PSD3: variants seen among roughly 807,000 people sequenced by gnomAD.
PSD3 encodes the protein pleckstrin and Sec7 domain containing 3, also known as PH and SEC7 domain-containing protein 3.
Under a neutral mutation model 105.5 loss-of-function variants are expected in PSD3, and 49 were observed. The observed-to-expected ratio is 0.46, with a 90% CI of 0.37 to 0.59. PSD3 has a LOEUF of 0.59. Ranked by LOEUF, PSD3 falls within the 20% of genes least tolerant of loss-of-function variation. The pLI is 0.00. For synonymous variants in PSD3, 557 were observed against 457.8 expected (o/e 1.22, Z -2.77); for missense variants, 1,561 against 1,263.8 (o/e 1.24, Z -3.57).
intron 9 of PSD3, among the ~76,000 whole-genome samples, chr8:18,728,667 C>T (rs1803506714): frequency 6.6e-6 from 1 of 152,162 alleles, no homozygotes; most frequent in African/African-American, 2.4e-5. Context: ...AAGCAGTCAC[C>T]TTGAGTTACG....
At chr8:18,559,776 G>C (rs1182399848) in intron 14 of PSD3, among the ~76,000 whole-genome samples, 1 of 151,974 alleles carries the variant, frequency 6.6e-6, no homozygotes, top group East Asian at 1.9e-4. Context: ...ATTTTAATGA[G>C]GAATACAGGC....
At chr8:19,015,033 T>C (rs1429240071), upstream of PSD3, among the ~76,000 whole-genome samples, 1 of 152,184 alleles carries the variant, frequency 6.6e-6, no homozygotes, top group Admixed American at 6.5e-5. Context: ...GGCATTGATA[T>C]GGTTTGGCTG....
chr8:18,945,347 A>C (rs1822793808), intron 1 of PSD3, among the ~76,000 whole-genome samples: 1 of 152,244 alleles, frequency 6.6e-6, no homozygotes, highest in Admixed American at 6.5e-5. Context: ...ATGAGACAGA[A>C]GCATAGAAAA....
chr8:18,876,056 A>G (rs1817718451), intron 2 of PSD3, among the ~76,000 whole-genome samples: 1 of 152,082 alleles, frequency 6.6e-6, no homozygotes, highest in African/African-American at 2.4e-5. Context: ...TACTCATGTC[A>G]TATCATCTAT....
At chr8:18,797,296 ACT>A (rs1416778148) in intron 8 of PSD3, among the ~76,000 whole-genome samples, 5 of 152,162 alleles carry the variant, frequency 3.3e-5, no homozygotes, top group Non-Finnish European at 7.4e-5. Flanking sequence ...ACAGAGATTC[ACT>A]GTTATTGATA....
chr8:18,769,093 CAAGGTAAAAAA>C (rs1807270170), intron 8 of PSD3, among the ~76,000 whole-genome samples: 1 of 144,236 alleles, frequency 6.9e-6, no homozygotes, highest in South Asian at 2.4e-4. Flanking sequence ...CAAGGTGTCT[CAAGGTAAAAAA>C]ATAACACATA....
chr8:18,846,355 G>A (rs543987593), intron 4 of PSD3, among the ~76,000 whole-genome samples: 19 of 152,280 alleles, frequency 1.2e-4, no homozygotes, highest in Non-Finnish European at 2.5e-4. Context: ...GTGGGGCTAC[G>A]AATGTCCTTG....
At chr8:18,571,244 G>A (rs1396866463) in intron 14 of PSD3, among the ~76,000 whole-genome samples, 2 of 152,036 alleles carry the variant, frequency 1.3e-5, no homozygotes, top group African/African-American at 4.8e-5. Context: ...TCATGATTTG[G>A]CCTTTGCTGA....
At chr8:18,792,331 G>C (rs766943156) in intron 8 of PSD3, among the ~76,000 whole-genome samples, 2 of 152,148 alleles carry the variant, frequency 1.3e-5, no homozygotes, top group Middle Eastern at 3.4e-3. Flanking sequence ...CTCATCAAGG[G>C]CTGGATAAAG....
At position 18,702,337 on chromosome 8, in the gene PSD3, T is replaced by C. The variant is rs150015064; in HGVS notation, c.2173-46652A>G. Among the ~76,000 whole-genome samples, 12 of 152,330 alleles carry C rather than the reference T, an allele frequency of 7.9e-5. No individual in the cohort carries two copies. The East Asian group carries it at 1.9e-3, about 25-fold the overall frequency. ...TTATGTACATAGGTAACCTACTTTA[T>C]GGGTTGTTCTAAGAGTTATGAGATG... On this transcript the variant is annotated intron_variant, in intron 9 of 15. Transcript: ENST00000327040.
intron 2 of PSD3, among the ~76,000 whole-genome samples, chr8:18,920,865 C>T (rs557792391): frequency 6.6e-6 from 1 of 152,232 alleles, no homozygotes; most frequent in South Asian, 2.1e-4. Context: ...ATTCAACCTC[C>T]CCAAACAATA....
rs17518976 is a variant in PSD3 at position 18,673,112 on chromosome 8, T to C, written c.2173-17427A>G. Among the ~76,000 whole-genome samples the C allele has an allele frequency of 2.9e-3, 447 of 152,150 alleles. 3 individuals are homozygous for C. Among genetic ancestry groups the C allele is most frequent in the South Asian group, 0.013 (62 of 4,822 alleles). ...GTCACCTCTTTCAATCTCTTTTTGG[T>C]TTTTCTATTTTCAATATGATCTATT... is the stretch of plus-strand genomic sequence containing the variant. On this transcript the variant is annotated intron_variant, in intron 9 of 15. Coordinates refer to ENST00000327040, the MANE Select transcript of PSD3 (RefSeq NM_015310.4).
chr8:18,952,413 T>C (rs1344642117), intron 1 of PSD3, among the ~76,000 whole-genome samples: 1 of 152,212 alleles, frequency 6.6e-6, no homozygotes, highest in African/African-American at 2.4e-5. Flanking sequence ...AAATTTTAAG[T>C]AAACTTTTGG....
At chr8:18,912,385 C>G (rs1434256204) in intron 2 of PSD3, among the ~76,000 whole-genome samples, 1 of 152,136 alleles carries the variant, frequency 6.6e-6, no homozygotes, top group Admixed American at 6.5e-5. Context: ...TTCAGTCCAC[C>G]AGGGGGCAGT....
chr8:19,035,873 T>C (rs555526092), intron 1 of PSD3, among the ~76,000 whole-genome samples: 23 of 152,158 alleles, frequency 1.5e-4, no homozygotes, highest in Admixed American at 2.6e-4. Flanking sequence ...TTCTGCCTCA[T>C]CCTCTCAAGT....
chr8:18,955,756 T>TTTATTTATTTA (rs1823527764), intron 1 of PSD3, among the ~76,000 whole-genome samples: 6 of 149,628 alleles, frequency 4.0e-5, no homozygotes, highest in African/African-American at 1.2e-4. Flanking sequence ...TCTTAGCATA[T>TTTATTTATTTA]TTTATTTATT....
intron 11 of PSD3, among the ~76,000 whole-genome samples, chr8:18,620,376 AC>A (rs1458221810): frequency 1.5e-5 from 2 of 133,874 alleles, no homozygotes; most frequent in Non-Finnish European, 3.1e-5. Flanking sequence ...GGCTGTGGTC[AC>A]TCACATTGGC....
intron 1 of PSD3, among the ~76,000 whole-genome samples, chr8:18,949,803 T>C (rs1285947042): frequency 3.3e-5 from 5 of 152,194 alleles, no homozygotes; most frequent in South Asian, 2.1e-4. Context: ...CCTGAAAATA[T>C]AAATTTAGCA....
chr8:18,586,374 C>T (rs1216233573), intron 12 of PSD3, among the ~76,000 whole-genome samples: 1 of 152,120 alleles, frequency 6.6e-6, no homozygotes, highest in Non-Finnish European at 1.5e-5. Flanking sequence ...TTTACTATTA[C>T]TCTCCATTTG....
Sources: allele counts gnomAD v4.1 joint callset (sites outside exome capture counted in the v4.1 genomes callset), GRCh38; gene constraint gnomAD v4.1.1; transcripts MANE v1.5; gene names NCBI Gene and HGNC (gene_info 2026-07-23, HGNC 2026-07-21).